Variants in TBC1D4 observed in about 807,000 individuals in gnomAD.
The protein encoded by TBC1D4 is TBC (Tre-2, BUB2, CDC16) domain-containing protein.
In TBC1D4, 121 loss-of-function variants were observed where a neutral mutation model predicts 142.5. That is an observed-to-expected ratio of 0.85 (90% CI 0.73 to 0.99). The LOEUF is 0.99. Among genes scored for constraint, TBC1D4 ranks in the 50% least tolerant of loss-of-function variants. TBC1D4 has a pLI of 0.00. For missense variants in TBC1D4, 1,475 were observed against 1,606.6 expected (o/e 0.92, Z 1.40); for synonymous variants, 630 against 628.2 (o/e 1.00, Z -0.04).
Position 75,302,259 on chromosome 13 carries a change from C to T in TBC1D4, c.2895G>A (p.Ala965=), listed in dbSNP as rs367622658. Residue 965 remains alanine (A), a synonymous_variant, in exon 16 of 21, where the codon GCG becomes GCA. Transcript: ENST00000377636. Reference sequence around the variant, plus strand: ...CAAACATACCTAAATCCACGAGAATCGCATGCTGCTGAGCAGTGAGCTGCT... The same window carrying T: ...CAAACATACCTAAATCCACGAGAATTGCATGCTGCTGAGCAGTGAGCTGCT... ...LLKQLTAQQH[A]ILVDLGRTFP... is the part of the protein sequence containing the mutation. 3.7e-6 allele frequency: 6 copies of T among 1,614,076 alleles called. No homozygotes were observed. Among genetic ancestry groups the T allele is most frequent in the Admixed American group, 1.7e-5 (1 of 60,008 alleles).
At chr13:75,410,137 T>C (rs571506106) in intron 1 of TBC1D4, among the ~76,000 whole-genome samples, 1 of 152,362 alleles carries the variant, frequency 6.6e-6, no homozygotes, top group East Asian at 1.9e-4. Context: ...CGGTGTATGC[T>C]CATGATAATC....
At chr13:75,428,280 G>C (rs1262775022) in intron 1 of TBC1D4, among the ~76,000 whole-genome samples, 1 of 152,082 alleles carries the variant, frequency 6.6e-6, no homozygotes, top group Non-Finnish European at 1.5e-5. Flanking sequence ...TTCTGCTTTT[G>C]TAACATTCTA....
chr13:75,399,151 A>C (rs576386936), intron 1 of TBC1D4, among the ~76,000 whole-genome samples: 4 of 152,172 alleles, frequency 2.6e-5, no homozygotes, highest in Non-Finnish European at 5.9e-5. Flanking sequence ...AATAAATGAA[A>C]TAAGATCTCC....
At position 75,334,582 on chromosome 13, in the gene TBC1D4, T is replaced by C. The variant is rs190406977; in HGVS notation, c.1731+2339A>G. Among the ~76,000 whole-genome samples, 69 of 151,932 alleles carry C rather than the reference T, an allele frequency of 4.5e-4. 1 individual carries two copies. The highest frequency in any genetic ancestry group is 4.7e-4 in the Non-Finnish European group (32 of 67,864). On this transcript the variant is annotated intron_variant, in intron 8 of 20. Coordinates refer to ENST00000377636, the MANE Select transcript of TBC1D4 (RefSeq NM_014832.5). The stretch of plus-strand genomic sequence containing the variant: ...GGTTATTGGGGAACAGGTGGTTTTT[T>C]GTTTGTTTGTTTGTTTGTTTAGACA...
At chr13:75,477,860 A>T (rs1888683849) in intron 1 of TBC1D4, among the ~76,000 whole-genome samples, 1 of 152,208 alleles carries the variant, frequency 6.6e-6, no homozygotes, top group Non-Finnish European at 1.5e-5. Context: ...AAATGTGCTA[A>T]GCCTGACATT....
At chr13:75,449,624 T>C (rs956792330) in intron 1 of TBC1D4, among the ~76,000 whole-genome samples, 3 of 151,604 alleles carry the variant, frequency 2.0e-5, no homozygotes, top group Non-Finnish European at 2.9e-5. Context: ...CTTGCTCTGT[T>C]GCCTAGGCTA....
At chr13:75,373,390 A>T (rs1361374250) in intron 1 of TBC1D4, among the ~76,000 whole-genome samples, 2 of 152,198 alleles carry the variant, frequency 1.3e-5, no homozygotes, top group Non-Finnish European at 2.9e-5. Flanking sequence ...TTCTTCAAAG[A>T]AGAAAAATCC....
At chr13:75,313,912 A>C (rs9573520) in intron 12 of TBC1D4, among the ~76,000 whole-genome samples, 55,612 of 152,082 alleles carry the variant, frequency 0.37, 12,129 homozygotes, top group East Asian at 0.63. Context: ...TCCAACAGGG[A>C]AACAGTGTAT....
intron 3 of TBC1D4, among the ~76,000 whole-genome samples, chr13:75,357,583 C>T (rs1202761780): frequency 2.0e-5 from 3 of 152,206 alleles, no homozygotes; most frequent in Non-Finnish European, 4.4e-5. Flanking sequence ...ATTCACAGGA[C>T]CTCATTAGCT....
At chr13:75,312,575 C>T (rs953785280) in intron 13 of TBC1D4, among the ~76,000 whole-genome samples, 163 bp downstream of exon 13, 2 of 152,088 alleles carry the variant, frequency 1.3e-5, no homozygotes, top group African/African-American at 2.4e-5. Flanking sequence ...TATTGAATGC[C>T]TAATGTTTTC....
At chr13:75,400,646 T>TTTA (rs56259433) in intron 1 of TBC1D4, among the ~76,000 whole-genome samples, 2 of 150,648 alleles carry the variant, frequency 1.3e-5, no homozygotes, top group East Asian at 1.9e-4. Context: ...TTTTTTTTTT[T>TTTA]AGTAGAGACA....
chr13:75,470,440 C>A (rs953750022), intron 1 of TBC1D4, among the ~76,000 whole-genome samples: 1 of 152,148 alleles, frequency 6.6e-6, no homozygotes, highest in Admixed American at 6.5e-5. Context: ...AGATACCACC[C>A]TAGACTTACT....
At chr13:75,330,028 C>T (rs1879619146) in intron 8 of TBC1D4, among the ~76,000 whole-genome samples, 1 of 152,232 alleles carries the variant, frequency 6.6e-6, no homozygotes, top group Non-Finnish European at 1.5e-5. Flanking sequence ...TGGAAACTCA[C>T]GCTCTTTAGC....
intron 2 of TBC1D4, among the ~76,000 whole-genome samples, chr13:75,360,630 T>C (rs1415126428): frequency 2.6e-5 from 4 of 151,690 alleles, no homozygotes; most frequent in Non-Finnish European, 5.9e-5. Flanking sequence ...ATTGTTGAAA[T>C]GGGCATACTG....
At chr13:75,295,283 T>C (rs1875792904) in intron 17 of TBC1D4, among the ~76,000 whole-genome samples, 1 of 152,176 alleles carries the variant, frequency 6.6e-6, no homozygotes, top group African/African-American at 2.4e-5. Context: ...GAAATGGAAT[T>C]TTTTCTTCTG....
At chr13:75,383,780 T>G (rs1396632764) in intron 1 of TBC1D4, among the ~76,000 whole-genome samples, 2 of 152,200 alleles carry the variant, frequency 1.3e-5, no homozygotes, top group Admixed American at 1.3e-4. Context: ...GGTCTTGGAA[T>G]GTGTCCCCCA....
At chr13:75,372,235 CTCTT>C (rs1883258713) in intron 1 of TBC1D4, among the ~76,000 whole-genome samples, 2 of 151,554 alleles carry the variant, frequency 1.3e-5, no homozygotes, top group South Asian at 2.1e-4. Context: ...CAACCAGATG[CTCTT>C]TATTTATAAA....
At chr13:75,423,572 G>A (rs1402812698) in intron 1 of TBC1D4, among the ~76,000 whole-genome samples, 1 of 152,156 alleles carries the variant, frequency 6.6e-6, no homozygotes, top group Non-Finnish European at 1.5e-5. Flanking sequence ...GCCAAAGCAG[G>A]TGAAGACATC....
chr13:75,474,328 TG>T (rs1156895752), intron 1 of TBC1D4, among the ~76,000 whole-genome samples: 4 of 152,294 alleles, frequency 2.6e-5, no homozygotes, highest in Middle Eastern at 3.4e-3. Context: ...GGGAGGCCTA[TG>T]CGGGCGGATC....
Sources: gnomAD v4.1 joint callset for allele counts (sites outside exome capture counted in the v4.1 genomes callset) on GRCh38, gnomAD v4.1.1 for gene constraint, MANE v1.5 for transcripts, NCBI Gene and HGNC (gene_info 2026-07-23, HGNC 2026-07-21) for gene names.